The following USP36 variants were observed in gnomAD, a reference collection of about 807,000 sequenced individuals.
The protein encoded by USP36 is ubiquitin carboxyl-terminal hydrolase 36.
USP36 carries 59 observed loss-of-function variants against 111.5 expected under a neutral mutation model. That is an observed-to-expected ratio of 0.53 (90% confidence interval 0.43 to 0.66). USP36 has a LOEUF of 0.66. Ranked by LOEUF, USP36 falls within the 30% of genes least tolerant of loss-of-function variation. The probability of loss-of-function intolerance (pLI) is 0.00; values close to 1 mark genes in which losing one functional copy is unlikely to be tolerated. For synonymous variants in USP36, 628 were observed against 581.0 expected (o/e 1.08, Z -1.16); for missense variants, 1,488 against 1,468.0 (o/e 1.01, Z -0.22).
chr17:78,821,413 TATA>T (rs1458557407), intron 7 of USP36: 65 of 57,776 alleles, frequency 1.1e-3, no homozygotes, highest in African/African-American at 3.3e-3. Flanking sequence ...TATATATATA[TATA>T]TATATTTTTT....
intron 4 of USP36, among the ~76,000 whole-genome samples, chr17:78,835,056 A>C (rs2068531821): frequency 6.6e-6 from 1 of 150,506 alleles, no homozygotes; most frequent in African/African-American, 2.5e-5. Context: ...TGTCTGGGTA[A>C]TTATTTACAG....
rs1354774792 is a variant in USP36 at position 78,802,534 on chromosome 17, A to T, written c.2812T>A (p.Cys938Ser). ...GLHQDPLRHS[C>S]SPMGDGDPEA... Reference sequence around the variant, plus strand: ...GGATCACCATCACCCATGGGAGAGCAGCTGCTTGGAAGTGAGAGGCAGCAG... The same window carrying T: ...GGATCACCATCACCCATGGGAGAGCTGCTGCTTGGAAGTGAGAGGCAGCAG... Residue 938 changes from cysteine to serine, a missense_variant and splice_region_variant, in exon 17 of 21, where the codon TGC becomes AGC. Physicochemically the swap from Cys to Ser is moderately radical, Grantham distance 112 (BLOSUM62 -1). Transcript: ENST00000449938. 1 of 1,603,420 alleles carries T rather than the reference A, an allele frequency of 6.2e-7. No individual in the cohort carries two copies. The highest frequency in any genetic ancestry group is 8.5e-7 in the Non-Finnish European group (1 of 1,179,488).
chr17:78,791,708 C>T (rs975458491), downstream of USP36, among the ~76,000 whole-genome samples: 2 of 152,132 alleles, frequency 1.3e-5, no homozygotes, highest in African/African-American at 4.8e-5. Flanking sequence ...CAGGGGGGAT[C>T]TGGATCACAA....
Position 78,807,029 on chromosome 17 carries a change from T to A in USP36, c.2015A>T (p.Asn672Ile). 2.5e-6 allele frequency: 4 copies of A among 1,614,182 alleles called. No individual in the cohort carries two copies. The highest frequency in any genetic ancestry group is 3.4e-6 in the Non-Finnish European group (4 of 1,180,026). Reference sequence around the variant, plus strand: ...GGTGCTTGCAGGCTCAGTGGTGGTGTTGCTCAGGACAGGGGACTTCAGCTT... The same window carrying A: ...GGTGCTTGCAGGCTCAGTGGTGGTGATGCTCAGGACAGGGGACTTCAGCTT... ...TVKLKSPVLS[N>I]TTTEPASTMS... The change falls in exon 14 of 21, where the codon AAC (asparagine) becomes ATC (isoleucine). Residue 672 changes from asparagine (N) to isoleucine (I), a missense_variant. Around this residue, in one of 3 missense-constraint regions of USP36, gnomAD observed 1,073 missense variants for 994.1 expected, o/e 1.08. Transcript: ENST00000449938.
chr17:78,811,056 T>C (rs1043632406), intron 13 of USP36, among the ~76,000 whole-genome samples: 2 of 141,126 alleles, frequency 1.4e-5, no homozygotes, highest in Admixed American at 7.9e-5. Context: ...GGAGGCTGCA[T>C]AGTGGCAGAG....
intron 8 of USP36, among the ~76,000 whole-genome samples, chr17:78,820,629 G>A (rs1018747910): frequency 3.9e-5 from 6 of 152,196 alleles, no homozygotes; most frequent in Non-Finnish European, 5.9e-5. Context: ...AGCAGGATGT[G>A]CGACAAAGCC....
At chr17:78,794,565 C>T (rs961156694), downstream of USP36, among the ~76,000 whole-genome samples, 2 of 152,156 alleles carry the variant, frequency 1.3e-5, no homozygotes, top group African/African-American at 2.4e-5. Context: ...TGCGAGACGA[C>T]GTGAGTGTGT....
intron 1 of USP36, among the ~76,000 whole-genome samples, chr17:78,839,571 G>A (rs977222779): frequency 6.6e-6 from 1 of 152,064 alleles, no homozygotes; most frequent in African/African-American, 2.4e-5. Context: ...CTTAGGGAGG[G>A]GATAAACGAA....
chr17:78,839,508 A>G (rs1233224318), intron 1 of USP36, among the ~76,000 whole-genome samples: 1 of 152,260 alleles, frequency 6.6e-6, no homozygotes, highest in Non-Finnish European at 1.5e-5. Context: ...TAGGACTCAC[A>G]TCTACCCTGG....
chr17:78,807,595 T>C lies in USP36; in HGVS notation c.1449A>G (p.Glu483=), dbSNP rs1189847809. The change falls in exon 14 of 21, where the codon GAA becomes GAG. Residue 483 remains glutamate, a synonymous_variant. Transcript: ENST00000449938. ...SGTMKKPHTT[E]EIGVPISRNG... ...TCCTGGATATGGGCACACCAATCTCTTCAGTGGTGTGCGGCTTCTTCATCG... is the reference window on the plus strand; with the variant it reads ...TCCTGGATATGGGCACACCAATCTCCTCAGTGGTGTGCGGCTTCTTCATCG... The C allele has an allele frequency of 6.4e-7, 1 of 1,565,228 alleles. No individual in the cohort carries two copies. The highest frequency in any genetic ancestry group is 8.7e-7 in the Non-Finnish European group (1 of 1,155,982).
intron 3 of USP36, 86 bp downstream of exon 3, chr17:78,836,025 T>C (rs750423140): frequency 7.1e-6 from 11 of 1,542,464 alleles, no homozygotes; most frequent in Non-Finnish European, 9.6e-6. Context: ...TCTCTTGTTT[T>C]TCCTACTAAT....
intron 11 of USP36, 146 bp downstream of exon 11, chr17:78,814,266 C>T (rs1016161137): frequency 8.9e-6 from 10 of 1,124,930 alleles, no homozygotes; most frequent in Admixed American, 2.7e-5. Context: ...TTTCACTCCA[C>T]GCAGAGAGGC....
At chr17:78,824,557 T>A (rs533916134) in intron 6 of USP36, among the ~76,000 whole-genome samples, 1 of 152,268 alleles carries the variant, frequency 6.6e-6, no homozygotes, top group East Asian at 1.9e-4. Context: ...AAGAATGGTT[T>A]ATGTACAAAG....
intron 6 of USP36, chr17:78,823,149 T>C (rs544287759): frequency 2.5e-5 from 10 of 398,786 alleles, no homozygotes; most frequent in East Asian, 1.8e-4. Flanking sequence ...TCTGAAATAC[T>C]TGGGGGACCA....
chr17:78,810,122 C>T (rs1003064439), intron 13 of USP36, among the ~76,000 whole-genome samples: 7 of 151,582 alleles, frequency 4.6e-5, no homozygotes, highest in African/African-American at 1.5e-4. Context: ...CCCGGCCCCC[C>T]TCTTCTTTTT....
At chr17:78,800,503 C>T (rs943400025) in intron 17 of USP36, among the ~76,000 whole-genome samples, 5 of 152,242 alleles carry the variant, frequency 3.3e-5, no homozygotes, top group East Asian at 1.9e-4. Flanking sequence ...ATATACTCAC[C>T]TCCCTTCACA....
chr17:78,820,235 G>T (rs2094286723), intron 8 of USP36, among the ~76,000 whole-genome samples: 1 of 152,192 alleles, frequency 6.6e-6, no homozygotes, highest in African/African-American at 2.4e-5. Flanking sequence ...AGCACCTTGG[G>T]AGGCCGGGGC....
intron 10 of USP36, among the ~76,000 whole-genome samples, chr17:78,817,745 A>C (rs543741444): frequency 1.8e-4 from 28 of 152,044 alleles, no homozygotes; most frequent in African/African-American, 2.2e-4. Flanking sequence ...CTCAAAAAAA[A>C]AAAAAAGAGA....
chr17:78,835,309 T>C lies in USP36; in HGVS notation c.446A>G (p.Tyr149Cys). 6.2e-7 allele frequency: 1 copy of C among 1,614,112 alleles called. No individual in the cohort carries two copies. Residue 149 changes from tyrosine to cysteine, a missense_variant, in exon 4 of 21, where the codon TAC (tyrosine) becomes TGC (cysteine). Physicochemically the swap from Tyr to Cys is radical, Grantham distance 194. Transcript: ENST00000449938. ...CLTYTPPLAN[Y>C]LLSKEHARSC... ...GCGAGCATGCTCCTTGGAGAGCAGG[T>C]AGTTGGCTAGAGGTGGTGTGTAGGT...
Sources: allele counts gnomAD v4.1 joint callset (sites outside exome capture counted in the v4.1 genomes callset), GRCh38; gene constraint gnomAD v4.1.1; regional missense constraint gnomAD v4.1.1; transcripts MANE v1.5; gene names NCBI Gene and HGNC (gene_info 2026-07-23, HGNC 2026-07-21).